Variants in RGS7 observed in about 807,000 individuals in gnomAD.
The protein encoded by RGS7 is regulator of G protein signaling 7.
Under a neutral mutation model 81.1 loss-of-function variants are expected in RGS7, and 27 were observed. The observed-to-expected ratio is 0.33, with a 90% CI of 0.25 to 0.46. RGS7 has a LOEUF of 0.46. Among genes scored for constraint, RGS7 ranks in the 20% least tolerant of loss-of-function variants. The pLI, the probability that RGS7 is intolerant of heterozygous loss-of-function variation, is 1.00. For synonymous variants in RGS7, 208 were observed against 207.7 expected, an observed-to-expected ratio of 1.00 and a Z score of -0.01; for missense variants, 396 against 607.4, an observed-to-expected ratio of 0.65 and a Z score of 3.66.
At chr1:241,170,013 C>A (rs2070609820) in intron 2 of RGS7, among the ~76,000 whole-genome samples, 1 of 151,986 alleles carries the variant, frequency 6.6e-6, no homozygotes, top group African/African-American at 2.4e-5. Flanking sequence ...CTCACAATGA[C>A]TCTGGGATAG....
At chr1:240,919,846 AGAATGGG>A (rs1673215079) in intron 6 of RGS7, 1 of 798,408 alleles carries the variant, frequency 1.3e-6, no homozygotes, top group Non-Finnish European at 2.2e-6. Flanking sequence ...GCCACTGTGG[AGAATGGG>A]GATGTGGCCA....
At chr1:240,983,747 T>C (rs752578447) in intron 3 of RGS7, among the ~76,000 whole-genome samples, 1 of 152,338 alleles carries the variant, frequency 6.6e-6, no homozygotes, top group Middle Eastern at 3.4e-3. Context: ...CCATGCAGTC[T>C]TTTATTGTCG....
chr1:240,840,408 G>C (rs1657721139), intron 9 of RGS7, among the ~76,000 whole-genome samples: 1 of 152,024 alleles, frequency 6.6e-6, no homozygotes, highest in Non-Finnish European at 1.5e-5. Context: ...CGAGTAGCTG[G>C]GACTACAGGC....
At chr1:241,284,724 T>C (rs1370036715) in intron 2 of RGS7, among the ~76,000 whole-genome samples, 1 of 152,186 alleles carries the variant, frequency 6.6e-6, no homozygotes, top group African/African-American at 2.4e-5. Flanking sequence ...GGGAACCCCA[T>C]TATAGCTTGT....
chr1:240,961,249 G>A (rs1415931869), intron 4 of RGS7, among the ~76,000 whole-genome samples: 1 of 152,070 alleles, frequency 6.6e-6, no homozygotes, highest in East Asian at 1.9e-4. Flanking sequence ...ATTATGCAAT[G>A]GTAGAAAAAC....
intron 2 of RGS7, among the ~76,000 whole-genome samples, chr1:241,241,442 T>C (rs1040558768): frequency 1.8e-4 from 27 of 152,154 alleles, no homozygotes; most frequent in African/African-American, 5.5e-4. Flanking sequence ...AATTGTTTTG[T>C]GCTGTTTTCC....
chr1:240,992,549 C>A (rs980297062), intron 3 of RGS7, among the ~76,000 whole-genome samples: 3 of 151,910 alleles, frequency 2.0e-5, no homozygotes, highest in Non-Finnish European at 2.9e-5. Context: ...ACAGCTAAGG[C>A]CAAGTGCTTT....
intron 2 of RGS7, among the ~76,000 whole-genome samples, chr1:241,167,202 G>A (rs912325512): frequency 6.6e-6 from 1 of 152,330 alleles, no homozygotes; most frequent in Non-Finnish European, 1.5e-5. Context: ...AGATCTTCGG[G>A]CTTGCCTCCT....
At position 240,936,591 on chromosome 1, in the gene RGS7, T is replaced by C; in HGVS notation, c.333+9A>G. On this transcript the variant is annotated intron_variant, in intron 5 of 18. Coordinates refer to ENST00000440928, the MANE Select transcript of RGS7 (RefSeq NM_001364886.1). ...GTTTACTGTTAAAGAACATTTCTAA[T>C]AAACTTACTTGAAACCGGTAAAAGG... is the stretch of plus-strand genomic sequence containing the variant. 1 of 1,600,358 alleles carries C rather than the reference T, an allele frequency of 6.2e-7. No individual in the cohort carries two copies.
chr1:241,003,409 C>T (rs1193467484), intron 3 of RGS7, among the ~76,000 whole-genome samples: 1 of 147,338 alleles, frequency 6.8e-6, no homozygotes, highest in Non-Finnish European at 1.5e-5. Context: ...TGCAGTGAAC[C>T]GAGATCGCGC....
intron 2 of RGS7, among the ~76,000 whole-genome samples, chr1:241,351,267 A>C (rs2083232249): frequency 6.6e-6 from 1 of 151,890 alleles, no homozygotes; most frequent in East Asian, 1.9e-4. Flanking sequence ...AAAAACAAAA[A>C]AATTATACAG....
At chr1:241,356,543 T>C (rs2083583199) in intron 1 of RGS7, among the ~76,000 whole-genome samples, 1 of 152,162 alleles carries the variant, frequency 6.6e-6, no homozygotes, top group African/African-American at 2.4e-5. Flanking sequence ...CTTCAGGCCA[T>C]TTTACCCGGG....
intron 2 of RGS7, among the ~76,000 whole-genome samples, chr1:241,242,417 G>A (rs1402722623): frequency 1.3e-5 from 2 of 152,114 alleles, no homozygotes; most frequent in Non-Finnish European, 2.9e-5. Context: ...TTGCAGTTGT[G>A]AACTGTGCTG....
intron 6 of RGS7, among the ~76,000 whole-genome samples, chr1:240,884,705 G>A (rs1406717162): frequency 6.6e-6 from 1 of 152,190 alleles, no homozygotes; most frequent in Non-Finnish European, 1.5e-5. Flanking sequence ...CTAGCCATAT[G>A]CAGAAGATTG....
intron 2 of RGS7, among the ~76,000 whole-genome samples, chr1:241,336,085 G>A (rs2082231825): frequency 6.6e-6 from 1 of 151,936 alleles, no homozygotes; most frequent in Non-Finnish European, 1.5e-5. Flanking sequence ...AGTACTAGTA[G>A]CAAGATTCTT....
At chr1:241,287,225 T>A (rs1021822596) in intron 2 of RGS7, among the ~76,000 whole-genome samples, 1 of 152,198 alleles carries the variant, frequency 6.6e-6, no homozygotes, top group Admixed American at 6.5e-5. Flanking sequence ...TTTATGACAT[T>A]TAAATCCCTG....
At chr1:240,919,383 C>A (rs1673124082) in intron 6 of RGS7, among the ~76,000 whole-genome samples, 1 of 151,916 alleles carries the variant, frequency 6.6e-6, no homozygotes, top group Non-Finnish European at 1.5e-5. Flanking sequence ...ACATCATGAC[C>A]AGGTGATATT....
chr1:240,881,443 T>C (rs112358574), intron 6 of RGS7, among the ~76,000 whole-genome samples: 3,542 of 152,206 alleles, frequency 0.023, 145 homozygotes, highest in African/African-American at 0.078. Flanking sequence ...GGCACATGTA[T>C]ACATATGAAA....
chr1:241,002,937 C>T (rs935343420), intron 3 of RGS7, among the ~76,000 whole-genome samples: 1 of 152,122 alleles, frequency 6.6e-6, no homozygotes, highest in African/African-American at 2.4e-5. Flanking sequence ...TATAATACAC[C>T]ACTTTGAAGA....
Sources: gnomAD v4.1 joint callset for allele counts (sites outside exome capture counted in the v4.1 genomes callset) on GRCh38, gnomAD v4.1.1 for gene constraint, MANE v1.5 for transcripts, NCBI Gene and HGNC (gene_info 2026-07-23, HGNC 2026-07-21) for gene names.